Variants in CAPS2 observed in about 807,000 individuals in gnomAD.
CAPS2 encodes the protein calcyphosine 2.
A neutral mutation model predicts 86.5 loss-of-function variants in CAPS2; 98 were observed. The ratio of observed to expected loss-of-function variants is 1.13; its 90% CI spans 0.96 to 1.34. CAPS2 has a LOEUF of 1.34. Among genes scored for constraint, CAPS2 ranks in the 40% most tolerant of loss-of-function variants. The probability of loss-of-function intolerance (pLI) is 0.00; values close to 1 mark genes in which losing one functional copy is unlikely to be tolerated. For synonymous variants in CAPS2, 210 were observed against 225.1 expected, an observed-to-expected ratio of 0.93 and a Z score of 0.60; for missense variants, 729 against 686.8, an observed-to-expected ratio of 1.06 and a Z score of -0.69.
rs184425441 is a variant in CAPS2, at chr12:75,369,987, G to T, written c.-395+20851C>A. The T allele has an allele frequency of 4.6e-6, 5 of 1,081,736 alleles. No individual in the cohort carries two copies. The East Asian group carries it at 1.3e-4, about 28-fold the overall frequency. 67.0% of individuals were successfully genotyped at this position (1,081,736 alleles called of 1,614,324 possible). Reference sequence around the variant, plus strand: ...ACTCCACAACTTATTATACCTAACCGTATGTATCAAAATATTTTAGTATTA... The same window carrying T: ...ACTCCACAACTTATTATACCTAACCTTATGTATCAAAATATTTTAGTATTA... On this transcript the variant is annotated intron_variant, in intron 1 of 5. Coordinates refer to the CAPS2 transcript ENST00000551829.
chr12:75,363,023 AAAC>A (rs2043714364), intron 1 of CAPS2: 1 of 634,004 alleles, frequency 1.6e-6, no homozygotes, highest in Non-Finnish European at 2.8e-6. Context: ...TAAATGACTA[AAAC>A]AACTTGCATA....
chr12:75,312,993 ATAAAT>A, intron 6 of CAPS2, 78 bp from the exon 7 acceptor site: 1 of 743,234 alleles, frequency 1.3e-6, no homozygotes, highest in Non-Finnish European at 2.3e-6. Flanking sequence ...GTTCTAAAAC[ATAAAT>A]TAAATATCTC....
intron 13 of CAPS2, among the ~76,000 whole-genome samples, chr12:75,290,812 C>T (rs1377224659): frequency 6.6e-6 from 1 of 151,586 alleles, no homozygotes; most frequent in African/African-American, 2.4e-5. Flanking sequence ...GTCCTGGCTA[C>T]TCAGGAGGCT....
intron 11 of CAPS2, 63 bp from the exon 12 acceptor site, chr12:75,293,430 C>T: frequency 1.0e-6 from 1 of 987,676 alleles, no homozygotes; most frequent in Non-Finnish European, 1.6e-6. Context: ...TAACTAACAT[C>T]AATTTTAAAT....
chr12:75,282,511 C>T (rs943898719), intron 15 of CAPS2, among the ~76,000 whole-genome samples, 164 bp from the exon 16 acceptor site: 2 of 152,054 alleles, frequency 1.3e-5, no homozygotes, highest in Non-Finnish European at 2.9e-5. Context: ...CTCAGCCTAC[C>T]GAGTAGCTGG....
At chr12:75,276,646 T>C (rs1384850047), downstream of CAPS2, 2 of 845,366 alleles carry the variant, frequency 2.4e-6, no homozygotes, top group African/African-American at 3.7e-5. Context: ...GTCTTTTTAA[T>C]AAAATGTTTT....
At chr12:75,349,026 AC>A (rs1392109150) in intron 1 of CAPS2, among the ~76,000 whole-genome samples, 1 of 152,214 alleles carries the variant, frequency 6.6e-6, no homozygotes, top group African/African-American at 2.4e-5. Context: ...GAATACCAAT[AC>A]AGCTAGAGTT....
chr12:75,310,556 G>A (rs191125833), intron 7 of CAPS2, among the ~76,000 whole-genome samples: 2 of 152,180 alleles, frequency 1.3e-5, no homozygotes, highest in Admixed American at 1.3e-4. Context: ...GTCCAATGGT[G>A]GGCTTGGATA....
At chr12:75,277,268 A>C (rs1184968746) in exon 17 of CAPS2, 1 of 974,698 alleles carries the variant, frequency 1.0e-6, no homozygotes, top group Non-Finnish European at 1.2e-6. Context: ...AGTAACAGAA[A>C]AATGTGACAT....
At chr12:75,359,475 C>A (rs1335073133) in intron 1 of CAPS2, among the ~76,000 whole-genome samples, 7 of 137,942 alleles carry the variant, frequency 5.1e-5, no homozygotes, top group African/African-American at 1.9e-4. Flanking sequence ...TCAGAAAATT[C>A]ATGTGGAAGT....
rs545209315 is a variant in CAPS2 at position 75,277,323 on chromosome 12, C to T, written c.*1567G>A. On this transcript the variant is annotated 3_prime_UTR_variant, in exon 17 of 17. Transcript: ENST00000393284. ...TTCTTAAGAACTAAATAAAAATTAT[C>T]AATGAAAAACACTATATGCATATTG... 5 of 966,648 alleles carry T rather than the reference C, an allele frequency of 5.2e-6. No individual in the cohort carries two copies. In the Admixed American group the frequency reaches 3.2e-4, roughly 61 times the overall value. The allele number at this position is 966,648 out of a possible 1,614,324, so 59.9% of individuals were successfully genotyped here.
chr12:75,386,773 A>G (rs1272652328), intron 1 of CAPS2, among the ~76,000 whole-genome samples: 1 of 152,200 alleles, frequency 6.6e-6, no homozygotes, highest in Non-Finnish European at 1.5e-5. Flanking sequence ...AAGTCAACTG[A>G]TCTTTGACAA....
chr12:75,370,072 T>G, intron 1 of CAPS2: 1 of 1,556,008 alleles, frequency 6.4e-7, no homozygotes, highest in Non-Finnish European at 8.8e-7. Flanking sequence ...GGTTTTGTTT[T>G]TGTTTTTGAC....
chr12:75,287,896 G>A (rs1020571262), intron 14 of CAPS2, among the ~76,000 whole-genome samples: 1 of 152,086 alleles, frequency 6.6e-6, no homozygotes, highest in Non-Finnish European at 1.5e-5. Context: ...TTGGGGGAAG[G>A]GGTTGTCTTG....
intron 12 of CAPS2, among the ~76,000 whole-genome samples, chr12:75,293,036 T>A (rs1187168941): frequency 6.6e-6 from 1 of 152,122 alleles, no homozygotes; most frequent in Admixed American, 6.5e-5. Flanking sequence ...ATTGAATATT[T>A]TCAAATATTT....
At chr12:75,352,234 T>C (rs188461720) in intron 1 of CAPS2, among the ~76,000 whole-genome samples, 89 of 152,242 alleles carry the variant, frequency 5.8e-4, no homozygotes, top group Non-Finnish European at 1.2e-3. Flanking sequence ...AGAGCCAACA[T>C]CCATCAGTGA....
intron 1 of CAPS2, among the ~76,000 whole-genome samples, chr12:75,326,008 T>C (rs1241705700): frequency 2.0e-5 from 3 of 152,094 alleles, no homozygotes; most frequent in Non-Finnish European, 2.9e-5. Flanking sequence ...ATAGAAGATA[T>C]ATATGAGTCT....
intron 10 of CAPS2, 43 bp downstream of exon 10, chr12:75,298,828 G>A (rs764132954): frequency 6.3e-7 from 1 of 1,588,748 alleles, no homozygotes; most frequent in African/African-American, 1.3e-5. Flanking sequence ...GCTTCTCTCG[G>A]AAGTGAACAT....
At chr12:75,314,620 C>G (rs1048740131) in intron 6 of CAPS2, among the ~76,000 whole-genome samples, 6 of 151,624 alleles carry the variant, frequency 4.0e-5, no homozygotes, top group African/African-American at 1.5e-4. Context: ...CAAAGTAAAG[C>G]AAGGTATTTT....
Sources: gnomAD v4.1 joint callset for allele counts (sites outside exome capture counted in the v4.1 genomes callset) on GRCh38, gnomAD v4.1.1 for gene constraint, MANE v1.5 for transcripts, NCBI Gene and HGNC (gene_info 2026-07-23, HGNC 2026-07-21) for gene names.